The following ARHGAP44 variants were observed in gnomAD, a reference collection of about 807,000 sequenced individuals.
ARHGAP44 encodes Rho GTPase activating protein 44.
Under a neutral mutation model 106.8 loss-of-function variants are expected in ARHGAP44, and 43 were observed. The observed-to-expected ratio is 0.40, with a 90% confidence interval of 0.32 to 0.52. The LOEUF is 0.52. ARHGAP44 is among the 20% of genes least tolerant of loss of function. The probability of loss-of-function intolerance (pLI) is 0.48; values close to 1 mark genes in which losing one functional copy is unlikely to be tolerated. For synonymous variants in ARHGAP44, 439 were observed against 410.3 expected (o/e 1.07, Z -0.85); for missense variants, 866 against 1,050.5 (o/e 0.82, Z 2.43).
chr17:12,949,020 T>G lies in ARHGAP44; in HGVS notation c.862-120T>G. On this transcript the variant is annotated intron_variant, in intron 10 of 20. Coordinates refer to ENST00000379672, the MANE Select transcript of ARHGAP44 (RefSeq NM_014859.6). The surrounding 1 kb of genome is among the most constrained non-coding windows in gnomAD (Gnocchi z 4.1). ...AGCAGGCAACTGGGGGATTGGGAGA[T>G]GGTGTTGGGCAAATGCATGTAAGAG... The G allele has an allele frequency of 1.1e-6, 1 of 947,424 alleles. No homozygotes were observed. Among genetic ancestry groups the G allele is most frequent in the Non-Finnish European group, 1.6e-6 (1 of 619,766 alleles). The allele number at this position is 947,424 out of a possible 1,614,324, so 58.7% of individuals were successfully genotyped here.
chr17:12,858,754 C>G (rs2035980911), intron 1 of ARHGAP44, among the ~76,000 whole-genome samples: 1 of 152,102 alleles, frequency 6.6e-6, no homozygotes, highest in Non-Finnish European at 1.5e-5. Context: ...AGTACATTTT[C>G]ATGCTGCTTA....
intron 1 of ARHGAP44, among the ~76,000 whole-genome samples, chr17:12,881,087 T>G (rs1425275416): frequency 6.6e-6 from 1 of 152,064 alleles, no homozygotes; most frequent in African/African-American, 2.4e-5. Context: ...TGATTTTTTT[T>G]TCTGGCAGTT....
intron 7 of ARHGAP44, among the ~76,000 whole-genome samples, chr17:12,940,161 A>G (rs750403608): frequency 6.6e-6 from 1 of 152,080 alleles, no homozygotes; most frequent in Non-Finnish European, 1.5e-5. Context: ...GTTTGCCCCA[A>G]CCTGAACACG....
chr17:12,816,256 C>A (rs1245973187), intron 1 of ARHGAP44, among the ~76,000 whole-genome samples: 1 of 152,166 alleles, frequency 6.6e-6, no homozygotes, highest in East Asian at 1.9e-4. Context: ...CTCCTCAGCA[C>A]TCTTCTTTTA....
intron 16 of ARHGAP44, among the ~76,000 whole-genome samples, chr17:12,969,953 A>G (rs187745354): frequency 2.0e-5 from 3 of 152,336 alleles, no homozygotes; most frequent in South Asian, 2.1e-4. Context: ...AACCTATTCC[A>G]TGATACCATC....
chr17:12,980,237 TG>T lies in ARHGAP44; in HGVS notation c.1939+6del. On this transcript the variant is annotated splice_donor_5th_base_variant and intron_variant, in intron 19 of 20. Coordinates refer to ENST00000379672, the MANE Select transcript of ARHGAP44 (RefSeq NM_014859.6). ...AGTCCTCACACCCTCCGGAAAGGTATGGCCCTGCTTCCCTTCTCCTTGGTCT... is the reference window on the plus strand; with the variant it reads ...AGTCCTCACACCCTCCGGAAAGGTATGCCCTGCTTCCCTTCTCCTTGGTCT... 6.2e-7 allele frequency: 1 copy of T among 1,602,074 alleles called. No homozygotes were observed. The highest frequency in any genetic ancestry group is 1.3e-5 in the African/African-American group (1 of 74,570).
intron 5 of ARHGAP44, 142 bp downstream of exon 5, chr17:12,916,153 C>A (rs2240567): frequency 0.12 from 82,001 of 681,856 alleles, 7,961 homozygotes; most frequent in East Asian, 0.37. Context: ...TCTTACCTAA[C>A]CACATGGTCA....
At chr17:12,965,516 G>T (rs1161233291) in intron 16 of ARHGAP44, among the ~76,000 whole-genome samples, 1 of 152,122 alleles carries the variant, frequency 6.6e-6, no homozygotes, top group African/African-American at 2.4e-5. Flanking sequence ...TGATTGAGAG[G>T]GTTCTAGAAT....
At chr17:12,858,319 C>A (rs960676500) in intron 1 of ARHGAP44, among the ~76,000 whole-genome samples, 1 of 152,150 alleles carries the variant, frequency 6.6e-6, no homozygotes, top group African/African-American at 2.4e-5. Context: ...CCAACCACAC[C>A]CCTACTCACT....
At chr17:12,857,780 A>G (rs927785965) in intron 1 of ARHGAP44, among the ~76,000 whole-genome samples, 41 of 148,438 alleles carry the variant, frequency 2.8e-4, no homozygotes, top group African/African-American at 9.6e-4. Flanking sequence ...TTATTTATTT[A>G]TTTATTTATT....
chr17:12,829,311 G>T (rs530477807), intron 1 of ARHGAP44, among the ~76,000 whole-genome samples: 1 of 151,854 alleles, frequency 6.6e-6, no homozygotes, highest in Admixed American at 6.6e-5. Context: ...TCCTCTGTTT[G>T]TCTAAACCTT....
intron 20 of ARHGAP44, 141 bp from the exon 21 acceptor site, chr17:12,989,891 A>C: frequency 7.9e-7 from 1 of 1,265,172 alleles, no homozygotes; most frequent in Non-Finnish European, 1.1e-6. Context: ...GTGCAACACA[A>C]TGCTTAAACC....
intron 16 of ARHGAP44, chr17:12,959,169 G>GACTTTTTTAA (rs1424662849): frequency 2.4e-6 from 1 of 412,142 alleles, no homozygotes; most frequent in Non-Finnish European, 4.5e-6. Context: ...AGTAGTCACT[G>GACTTTTTTAA]AGTGCAATTA....
intron 4 of ARHGAP44, among the ~76,000 whole-genome samples, chr17:12,911,430 C>T (rs1297993753): frequency 6.6e-6 from 1 of 152,054 alleles, no homozygotes; most frequent in Non-Finnish European, 1.5e-5. Flanking sequence ...TGGGAACTAA[C>T]TTGGCAAGTC....
intron 18 of ARHGAP44, among the ~76,000 whole-genome samples, chr17:12,977,753 GT>G (rs2039722414): frequency 1.3e-5 from 2 of 152,082 alleles, no homozygotes; most frequent in African/African-American, 4.8e-5. Flanking sequence ...GAGGAAGTGT[GT>G]CCGGGCCGGG....
intron 12 of ARHGAP44, among the ~76,000 whole-genome samples, chr17:12,951,010 G>A (rs1215862273): frequency 6.6e-6 from 1 of 152,116 alleles, no homozygotes; most frequent in African/African-American, 2.4e-5. Context: ...TGTGTAGAGT[G>A]AGAAAAGCCA....
intron 1 of ARHGAP44, among the ~76,000 whole-genome samples, chr17:12,805,689 G>A (rs1597866129): frequency 1.3e-5 from 2 of 152,268 alleles, no homozygotes; most frequent in Non-Finnish European, 1.5e-5. Context: ...GATATTTACC[G>A]ACCACTTAAC....
chr17:12,792,016 C>CCAT (rs769238726), intron 1 of ARHGAP44, among the ~76,000 whole-genome samples: 28 of 152,328 alleles, frequency 1.8e-4, no homozygotes, highest in Non-Finnish European at 3.2e-4. Context: ...TTCTACAGGA[C>CCAT]CATCCTTGGT....
rs767948176 is a variant in ARHGAP44, at chr17:12,990,117, C to T, written c.2403C>T (p.His801=). 2 of 1,613,788 alleles carry T rather than the reference C, an allele frequency of 1.2e-6. No homozygotes were observed. The highest frequency in any genetic ancestry group is 4.5e-5 in the East Asian group (2 of 44,850). The change falls in exon 21 of 21, where the codon CAC becomes CAT. Residue 801 remains histidine (H), a synonymous_variant. Transcript: ENST00000379672. ...RLSPLEHMRR[H]SVTDKRDSEE... is the part of the protein sequence containing the mutation. ...GTCCCCTGGAGCACATGCGGCGACA[C>T]TCAGTAACTGACAAGAGGGACTCGG...
Sources: allele counts gnomAD v4.1 joint callset (sites outside exome capture counted in the v4.1 genomes callset), GRCh38; gene constraint gnomAD v4.1.1; non-coding constraint Gnocchi (gnomAD v3.1); transcripts MANE v1.5; gene names NCBI Gene and HGNC (gene_info 2026-07-23, HGNC 2026-07-21).